Variants in UBAP2 observed in about 807,000 individuals in gnomAD.
UBAP2 encodes the protein ubiquitin-associated protein 2.
Under a neutral mutation model 139.6 loss-of-function variants are expected in UBAP2, and 75 were observed. The observed-to-expected ratio is 0.54, with a 90% CI of 0.45 to 0.65. The LOEUF (loss-of-function observed/expected upper bound fraction) is 0.65, where lower values mean the gene tolerates loss of function less well. Among genes scored for constraint, UBAP2 ranks in the 30% least tolerant of loss-of-function variants. The probability of loss-of-function intolerance (pLI) is 0.00; values close to 1 mark genes in which losing one functional copy is unlikely to be tolerated. For missense variants in UBAP2, 1,368 were observed against 1,369.6 expected (o/e 1.00, Z 0.02); for synonymous variants, 526 against 526.2 (o/e 1.00, Z 0.01).
intron 6 of UBAP2, among the ~76,000 whole-genome samples, chr9:33,979,955 C>G (rs1278002179): frequency 6.6e-6 from 1 of 151,638 alleles, no homozygotes; most frequent in African/African-American, 2.4e-5. Context: ...CTCCTGTAGT[C>G]CCAGCTACTC....
chr9:33,946,232 T>C (rs1825645028), intron 13 of UBAP2, among the ~76,000 whole-genome samples: 1 of 152,228 alleles, frequency 6.6e-6, no homozygotes, highest in Non-Finnish European at 1.5e-5. Flanking sequence ...TTACTCTTTT[T>C]ATATTAAGGA....
chr9:33,964,304 T>G (rs1338438356), intron 8 of UBAP2, among the ~76,000 whole-genome samples: 4 of 152,184 alleles, frequency 2.6e-5, no homozygotes, highest in Non-Finnish European at 5.9e-5. Flanking sequence ...CACCATCAGC[T>G]GACATCCTTT....
At chr9:34,006,452 G>A (rs982601964) in intron 2 of UBAP2, among the ~76,000 whole-genome samples, 1 of 152,178 alleles carries the variant, frequency 6.6e-6, no homozygotes, top group African/African-American at 2.4e-5. Flanking sequence ...GGCTGAGGCA[G>A]GCAGATTGCT....
chr9:33,988,165 ATTTT>A (rs1313088766), intron 5 of UBAP2, among the ~76,000 whole-genome samples: 1 of 151,932 alleles, frequency 6.6e-6, no homozygotes, highest in Non-Finnish European at 1.5e-5. Flanking sequence ...AATATAAAAT[ATTTT>A]ATTTTCTTTA....
At chr9:34,037,014 A>C (rs1826478552) in intron 1 of UBAP2, among the ~76,000 whole-genome samples, 3 of 108,010 alleles carry the variant, frequency 2.8e-5, no homozygotes, top group African/African-American at 1.1e-4. Context: ...TTTTTGAGAG[A>C]GTCTCGCTCT....
chr9:33,994,268 C>G (rs1821963009), intron 4 of UBAP2, among the ~76,000 whole-genome samples: 1 of 152,052 alleles, frequency 6.6e-6, no homozygotes, highest in African/African-American at 2.4e-5. Flanking sequence ...GGTGTTAAAA[C>G]TCAAAACAGA....
intron 8 of UBAP2, among the ~76,000 whole-genome samples, chr9:33,965,125 A>G (rs937280695): frequency 6.6e-6 from 1 of 152,232 alleles, no homozygotes; most frequent in African/African-American, 2.4e-5. Context: ...CACAGGAATT[A>G]TCCTTCACCA....
intron 1 of UBAP2, among the ~76,000 whole-genome samples, chr9:34,025,419 G>A (rs1825321575): frequency 6.6e-6 from 1 of 152,084 alleles, no homozygotes; most frequent in Non-Finnish European, 1.5e-5. Context: ...AGTTCTTGAG[G>A]GGCAGGAAGC....
At chr9:33,934,021 G>C (rs1405900306) in intron 17 of UBAP2, 3 of 176,302 alleles carry the variant, frequency 1.7e-5, no homozygotes, top group African/African-American at 7.0e-5. Context: ...CACAGCAAGG[G>C]GGAGTAAGAA....
intron 1 of UBAP2, among the ~76,000 whole-genome samples, chr9:34,022,903 TCTCA>T (rs535109755): frequency 3.2e-3 from 480 of 152,280 alleles, no homozygotes; most frequent in African/African-American, 0.011. Flanking sequence ...CTGATCTTTT[TCTCA>T]CTGTTTATTC....
chr9:33,973,854 G>C (rs1211250054), intron 6 of UBAP2, among the ~76,000 whole-genome samples: 2 of 152,148 alleles, frequency 1.3e-5, no homozygotes, highest in African/African-American at 4.8e-5. Flanking sequence ...TCTTGAGTAT[G>C]ACACTAAAAC....
intron 2 of UBAP2, among the ~76,000 whole-genome samples, chr9:34,000,377 T>A (rs751820108): frequency 4.6e-5 from 7 of 152,184 alleles, no homozygotes; most frequent in African/African-American, 7.2e-5. Context: ...CAACAAAAAA[T>A]CAGAAAAGTT....
chr9:33,988,838 T>C (rs1214698965), intron 5 of UBAP2, 135 bp downstream of exon 5: 3 of 965,196 alleles, frequency 3.1e-6, no homozygotes, highest in Non-Finnish European at 3.1e-6. Context: ...TCAGAATGTA[T>C]GGAAACTAAG....
intron 1 of UBAP2, among the ~76,000 whole-genome samples, chr9:34,020,057 G>A (rs1293104165): frequency 6.7e-6 from 1 of 148,814 alleles, no homozygotes; most frequent in Non-Finnish European, 1.5e-5. Context: ...CTACTAGGGA[G>A]GCTGAAGCAG....
rs181942951 is a variant in UBAP2 at position 33,951,638 on chromosome 9, C to T, written c.1056+1647G>A. Reference sequence around the variant, plus strand: ...CTGGAATAACAGGTGTGAGCCACCGCGCCCAGCTCCCAGTGATTTTTAAAG... The same window carrying T: ...CTGGAATAACAGGTGTGAGCCACCGTGCCCAGCTCCCAGTGATTTTTAAAG... On this transcript the variant is annotated intron_variant, in intron 12 of 28. Coordinates refer to ENST00000379238, the MANE Select transcript of UBAP2 (RefSeq NM_001370062.2). Among the ~76,000 whole-genome samples, 689 of 152,148 alleles carry T rather than the reference C, an allele frequency of 4.5e-3. 6 individuals carry two copies. The highest frequency in any genetic ancestry group is 0.016 in the African/African-American group (646 of 41,506).
Position 34,042,771 on chromosome 9 carries a change from C to CT in UBAP2, c.-42+6053dup, listed in dbSNP as rs370105435. Reference sequence around the variant, plus strand: ...TCCTATTTCTTGGTTGTTCATTTTACTTTTTTTTTTTAATTTTACATATGG... The same window carrying CT: ...TCCTATTTCTTGGTTGTTCATTTTACTTTTTTTTTTTTAATTTTACATATGG... On this transcript the variant is annotated intron_variant, in intron 1 of 28. Transcript: ENST00000379238. Among the ~76,000 whole-genome samples, 34 of 146,944 alleles carry CT rather than the reference C, an allele frequency of 2.3e-4. 1 individual carries two copies. Among genetic ancestry groups the CT allele is most frequent in the African/African-American group, 5.5e-4 (22 of 40,248 alleles).
rs1483987990 is a variant in UBAP2 at position 33,956,112 on chromosome 9, G to A, written c.833C>T (p.Ala278Val). The A allele has an allele frequency of 6.2e-7, 1 of 1,613,570 alleles. No individual in the cohort carries two copies. The highest frequency in any genetic ancestry group is 2.2e-5 in the East Asian group (1 of 44,876). Residue 278 changes from alanine (A) to valine (V), a missense_variant, in exon 11 of 29, where the codon GCT becomes GTT. Ala to Val is a moderately conservative substitution (Grantham distance 64, BLOSUM62 0). Coordinates refer to ENST00000379238, the MANE Select transcript of UBAP2 (RefSeq NM_001370062.2). ...AGGTAAGATGTGATTCTCTGCTGGA[G>A]CAGATGAGGCAGTGAAGACCTTTGT... is the stretch of plus-strand genomic sequence containing the variant. ...SETKVFTASSAPAENHILPGQ... is the reference protein window; with the variant it reads ...SETKVFTASSVPAENHILPGQ...
intron 1 of UBAP2, among the ~76,000 whole-genome samples, chr9:34,024,094 C>T (rs1825199035): frequency 6.6e-6 from 1 of 151,754 alleles, no homozygotes; most frequent in Non-Finnish European, 1.5e-5. Context: ...CGCGGTGGCA[C>T]ACGCCTGTAA....
intron 1 of UBAP2, among the ~76,000 whole-genome samples, chr9:34,042,114 A>G (rs1827148223): frequency 1.3e-5 from 2 of 152,188 alleles, no homozygotes; most frequent in Non-Finnish European, 2.9e-5. Context: ...TACATTGAGA[A>G]TAAGACTGAA....
Sources: gnomAD v4.1 joint callset for allele counts (sites outside exome capture counted in the v4.1 genomes callset) on GRCh38, gnomAD v4.1.1 for gene constraint, MANE v1.5 for transcripts, NCBI Gene and HGNC (gene_info 2026-07-23, HGNC 2026-07-21) for gene names.